NHSL3: variants seen among roughly 807,000 people sequenced by gnomAD.
NHSL3 encodes NHS-like protein 3.
the NHSL3 span, among the ~76,000 whole-genome samples, chr1:32,763,971 C>CTGT: frequency 1.3e-5 from 2 of 152,202 alleles, no homozygotes; most frequent in Admixed American, 1.3e-4. Context: ...AGCAATCCTC[C>CTGT]TGTCTTAGCC....
chr1:32,754,205 C>T, the NHSL3 span: 1 of 708,380 alleles, frequency 1.4e-6, no homozygotes, highest in East Asian at 2.7e-5. Context: ...GGGGGCGGGG[C>T]AGGCAGGGAG....
chr1:32,768,456 T>C, the NHSL3 span, among the ~76,000 whole-genome samples: 1 of 152,068 alleles, frequency 6.6e-6, no homozygotes, highest in Non-Finnish European at 1.5e-5. Flanking sequence ...TAGCCAGGCA[T>C]GGTGGGAGGG....
the NHSL3 span, among the ~76,000 whole-genome samples, chr1:32,764,755 G>A: frequency 6.6e-6 from 1 of 152,196 alleles, no homozygotes; most frequent in African/African-American, 2.4e-5. Context: ...TTACAGGCGT[G>A]AGCCACAGCA....
chr1:32,772,959 G>T, the NHSL3 span: 1 of 1,471,156 alleles, frequency 6.8e-7, no homozygotes, highest in Middle Eastern at 1.7e-4. Flanking sequence ...CAGCTCCAAG[G>T]ACGAGAGGAT....
chr1:32,770,182 G>C, the NHSL3 span: 2 of 1,602,732 alleles, frequency 1.2e-6, no homozygotes, highest in Non-Finnish European at 1.7e-6. This position sits in a 1 kb window ranked among gnomAD's most constrained non-coding sequence, Gnocchi z 8.3. Flanking sequence ...GGCAGGGCCT[G>C]CAGAGCCCCT....
the NHSL3 span, chr1:32,771,824 C>G: frequency 1.9e-6 from 3 of 1,611,562 alleles, no homozygotes; most frequent in Admixed American, 5.0e-5. Flanking sequence ...GTCACGCCCT[C>G]GCTCCTGCAG....
At chr1:32,767,420 ATG>A in the NHSL3 span, among the ~76,000 whole-genome samples, 1 of 151,728 alleles carries the variant, frequency 6.6e-6, no homozygotes, top group Non-Finnish European at 1.5e-5. Context: ...GTGTGTACCT[ATG>A]TGTGTTTATA....
the NHSL3 span, chr1:32,769,767 G>T: frequency 6.2e-7 from 1 of 1,613,912 alleles, no homozygotes; most frequent in Non-Finnish European, 8.5e-7. Flanking sequence ...GACTCCCGCA[G>T]CATGTGCAGA....
chr1:32,771,107 C>T, the NHSL3 span: 15 of 1,613,662 alleles, frequency 9.3e-6, no homozygotes, highest in East Asian at 2.0e-4. Flanking sequence ...CCAGCCCCCT[C>T]AGACCGCTCT....
the NHSL3 span, chr1:32,771,736 G>A: frequency 2.5e-6 from 4 of 1,613,636 alleles, no homozygotes; most frequent in Non-Finnish European, 2.5e-6. Flanking sequence ...AGGGCATGTG[G>A]CCAAGCTCCC....
the NHSL3 span, among the ~76,000 whole-genome samples, chr1:32,769,203 G>A: frequency 6.6e-6 from 1 of 151,606 alleles, no homozygotes; most frequent in South Asian, 2.1e-4. Flanking sequence ...GCAGTGAGCC[G>A]AGATTGCACC....
the NHSL3 span, among the ~76,000 whole-genome samples, chr1:32,749,874 A>G: frequency 1.3e-5 from 2 of 152,016 alleles, no homozygotes; most frequent in South Asian, 4.2e-4. Flanking sequence ...GCAAGGGTTG[A>G]ACTGTGGTGG....
chr1:32,742,290 C>A, the NHSL3 span: 1 of 1,108,262 alleles, frequency 9.0e-7, no homozygotes, highest in Non-Finnish European at 1.1e-6. Context: ...AGGGGGGTGA[C>A]CCCCAGGAGC....
At chr1:32,771,650 C>T in the NHSL3 span, 1 of 1,612,148 alleles carries the variant, frequency 6.2e-7, no homozygotes, top group Non-Finnish European at 8.5e-7. Flanking sequence ...TCAGCTACTG[C>T]TTTGCAGATT....
At chr1:32,765,497 C>G in the NHSL3 span, 1 of 669,838 alleles carries the variant, frequency 1.5e-6, no homozygotes, top group East Asian at 3.0e-5. Context: ...TCTACTGGAG[C>G]AGAGCACCCA....
chr1:32,771,430 G>A, the NHSL3 span: 1 of 1,584,904 alleles, frequency 6.3e-7, no homozygotes, highest in Admixed American at 1.8e-5. Context: ...AGAGGTGGTT[G>A]TGGAGGCACC....
chr1:32,765,302 AGCTCT>A, the NHSL3 span, among the ~76,000 whole-genome samples: 1 of 119,654 alleles, frequency 8.4e-6, no homozygotes, highest in Non-Finnish European at 2.0e-5. Context: ...GCAGGCTCCG[AGCTCT>A]TTCCCCAGGG....
chr1:32,764,722 C>T, the NHSL3 span, among the ~76,000 whole-genome samples: 1 of 152,218 alleles, frequency 6.6e-6, no homozygotes, highest in Non-Finnish European at 1.5e-5. Context: ...ATCTGCCCAC[C>T]TTGGCCTCCC....
At chr1:32,772,278 C>CCCCCCCCCCCCCA in the NHSL3 span, 1 of 1,598,110 alleles carries the variant, frequency 6.3e-7, no homozygotes, top group Non-Finnish European at 8.5e-7. Context: ...CTGTGGGAGT[C>CCCCCCCCCCCCCA]CCCCCACCCG....
Sources: allele counts gnomAD v4.1 joint callset (sites outside exome capture counted in the v4.1 genomes callset), GRCh38; gene constraint gnomAD v4.1.1; non-coding constraint Gnocchi (gnomAD v3.1); transcripts MANE v1.5; gene names NCBI Gene and HGNC (gene_info 2026-07-23, HGNC 2026-07-21).